The following PCDH15 variants were observed in gnomAD, a reference collection of about 807,000 sequenced individuals.
PCDH15 encodes the protein protocadherin related 15.
A neutral mutation model predicts 178.5 loss-of-function variants in PCDH15; 129 were observed. The observed-to-expected ratio is 0.72, with a 90% confidence interval of 0.63 to 0.84. PCDH15 has a LOEUF of 0.84. Among genes scored for constraint, PCDH15 ranks in the 40% least tolerant of loss-of-function variants. The pLI, the probability that PCDH15 is intolerant of heterozygous loss-of-function variation, is 0.00. For missense variants in PCDH15, 2,230 were observed against 2,099.9 expected (o/e 1.06, Z -1.21); for synonymous variants, 800 against 732.0 (o/e 1.09, Z -1.50).
At chr10:54,673,454 T>C (rs1286364054) in intron 1 of PCDH15, among the ~76,000 whole-genome samples, 1 of 152,172 alleles carries the variant, frequency 6.6e-6, no homozygotes, top group Non-Finnish European at 1.5e-5. Flanking sequence ...TTTGTTTGTT[T>C]TGAGATGGAG....
chr10:54,082,054 T>C (rs1288462600), intron 16 of PCDH15, among the ~76,000 whole-genome samples: 1 of 152,204 alleles, frequency 6.6e-6, no homozygotes. Context: ...ACCATCTCAC[T>C]GGCTCAGAGT....
chr10:53,966,800 G>C (rs1197898687), intron 21 of PCDH15, among the ~76,000 whole-genome samples: 3 of 151,260 alleles, frequency 2.0e-5, no homozygotes, highest in Admixed American at 6.6e-5. Flanking sequence ...ACCCTTATTA[G>C]TTATGTTTTA....
chr10:54,488,614 T>A (rs1377691701), intron 3 of PCDH15, among the ~76,000 whole-genome samples: 1 of 151,980 alleles, frequency 6.6e-6, no homozygotes, highest in Non-Finnish European at 1.5e-5. Context: ...GAATCAGTAC[T>A]GGCAGATAAG....
At chr10:54,024,607 A>G (rs1198978693) in intron 18 of PCDH15, among the ~76,000 whole-genome samples, 1 of 152,130 alleles carries the variant, frequency 6.6e-6, no homozygotes, top group Non-Finnish European at 1.5e-5. Flanking sequence ...TGTCTCTTTG[A>G]CTCATCAAAA....
At chr10:54,383,248 A>T (rs1312340281) in intron 3 of PCDH15, among the ~76,000 whole-genome samples, 1 of 152,160 alleles carries the variant, frequency 6.6e-6, no homozygotes, top group East Asian at 1.9e-4. Flanking sequence ...AGAAAAAAAA[A>T]AGACTATGTA....
intron 3 of PCDH15, among the ~76,000 whole-genome samples, chr10:54,816,916 C>T (rs1591718025): frequency 6.6e-6 from 1 of 152,002 alleles, no homozygotes; most frequent in East Asian, 1.9e-4. Context: ...ACTTCAGTGC[C>T]CACTCCAGAA....
chr10:54,452,995 T>C (rs187269914), intron 3 of PCDH15, among the ~76,000 whole-genome samples: 46 of 152,052 alleles, frequency 3.0e-4, no homozygotes, highest in African/African-American at 8.7e-4. Context: ...CGTACTGGAG[T>C]AGAGTAGGCC....
At chr10:54,937,454 A>AT (rs936557810) in intron 2 of PCDH15, among the ~76,000 whole-genome samples, 13 of 151,858 alleles carry the variant, frequency 8.6e-5, no homozygotes, top group African/African-American at 3.1e-4. Context: ...TGAACATAAG[A>AT]TTTTTTCCCA....
At chr10:54,022,510 A>G (rs1283702558) in intron 19 of PCDH15, among the ~76,000 whole-genome samples, 1 of 152,128 alleles carries the variant, frequency 6.6e-6, no homozygotes, top group African/African-American at 2.4e-5. Context: ...ACAAAGATAA[A>G]TGTGAAATAA....
intron 2 of PCDH15, among the ~76,000 whole-genome samples, chr10:54,974,776 G>A (rs1839025959): frequency 1.3e-5 from 2 of 152,086 alleles, no homozygotes; most frequent in South Asian, 4.1e-4. Context: ...ATGTAATGTG[G>A]TGTCCCAGAA....
chr10:55,371,096 G>T (rs770435847), intron 2 of PCDH15, among the ~76,000 whole-genome samples: 11 of 151,790 alleles, frequency 7.2e-5, no homozygotes, highest in Admixed American at 1.3e-4. Context: ...CATGTAAGAG[G>T]GTAAAATATA....
At chr10:53,823,293 T>C in intron 32 of PCDH15, 3 of 1,614,078 alleles carry the variant, frequency 1.9e-6, no homozygotes, top group Non-Finnish European at 2.5e-6. Context: ...AACTTGTTGA[T>C]GTTTCCTGTC....
intron 9 of PCDH15, among the ~76,000 whole-genome samples, chr10:54,214,312 A>G (rs1302337183): frequency 2.6e-5 from 4 of 152,178 alleles, no homozygotes; most frequent in Admixed American, 2.6e-4. Flanking sequence ...TTGAATCTTC[A>G]TCACATGAAA....
intron 2 of PCDH15, among the ~76,000 whole-genome samples, chr10:55,553,384 TTAAAA>T (rs1311154321): frequency 1.3e-5 from 2 of 151,812 alleles, no homozygotes; most frequent in Non-Finnish European, 2.9e-5. Context: ...AATCCAGTAA[TTAAAA>T]TAAATCATTA....
intron 28 of PCDH15, among the ~76,000 whole-genome samples, chr10:53,848,254 A>T (rs2078110930): frequency 1.3e-5 from 2 of 152,052 alleles, no homozygotes; most frequent in South Asian, 4.1e-4. Flanking sequence ...GTTATAAAAA[A>T]AAAAAGAGGA....
chr10:55,053,731 C>T (rs1447361261), intron 2 of PCDH15, among the ~76,000 whole-genome samples: 1 of 152,126 alleles, frequency 6.6e-6, no homozygotes, highest in Non-Finnish European at 1.5e-5. Context: ...GGTACAAGCA[C>T]CTCACAGAGT....
chr10:54,406,472 C>G (rs1200237228), intron 3 of PCDH15, among the ~76,000 whole-genome samples: 1 of 152,112 alleles, frequency 6.6e-6, no homozygotes, highest in African/African-American at 2.4e-5. Flanking sequence ...CTTCCTCCTC[C>G]TTTCTCCTCT....
At chr10:54,942,883 C>G (rs955580111) in intron 2 of PCDH15, among the ~76,000 whole-genome samples, 1 of 151,986 alleles carries the variant, frequency 6.6e-6, no homozygotes, top group African/African-American at 2.4e-5. Context: ...TGCTAGGTCA[C>G]AGATTAAGCT....
At chr10:54,874,492 T>C (rs1457684522) in intron 3 of PCDH15, among the ~76,000 whole-genome samples, 3 of 152,064 alleles carry the variant, frequency 2.0e-5, no homozygotes, top group African/African-American at 4.8e-5. Flanking sequence ...ATTCAGGACA[T>C]AGGCGTGGGC....
Sources: allele counts gnomAD v4.1 joint callset (sites outside exome capture counted in the v4.1 genomes callset), GRCh38; gene constraint gnomAD v4.1.1; transcripts MANE v1.5; gene names NCBI Gene and HGNC (gene_info 2026-07-23, HGNC 2026-07-21).